Variants in PTPRT observed in about 807,000 individuals in gnomAD.
PTPRT encodes the protein receptor-type tyrosine-protein phosphatase T.
A neutral mutation model predicts 176.8 loss-of-function variants in PTPRT; 56 were observed. The observed-to-expected ratio is 0.32, with a 90% CI of 0.26 to 0.40. The LOEUF (loss-of-function observed/expected upper bound fraction) is 0.40, where lower values mean the gene tolerates loss of function less well. Ranked by LOEUF, PTPRT falls within the 10% of genes least tolerant of loss-of-function variation. The pLI is 1.00. For missense variants in PTPRT, 1,540 were observed against 1,908.2 expected (o/e 0.81, Z 3.60); for synonymous variants, 783 against 739.0 (o/e 1.06, Z -0.96).
At chr20:42,136,845 T>C (rs1304980791) in intron 18 of PTPRT, among the ~76,000 whole-genome samples, 2 of 152,132 alleles carry the variant, frequency 1.3e-5, no homozygotes, top group Admixed American at 6.5e-5. Flanking sequence ...AGAAATCTAA[T>C]AGGGGTGTGT....
intron 7 of PTPRT, among the ~76,000 whole-genome samples, chr20:42,642,075 G>A (rs1370540350): frequency 6.6e-6 from 1 of 152,140 alleles, no homozygotes; most frequent in African/African-American, 2.4e-5. Context: ...CAGTGTGCCT[G>A]TCCAGATAAT....
At chr20:42,939,311 T>C (rs1980398575) in intron 1 of PTPRT, among the ~76,000 whole-genome samples, 1 of 152,238 alleles carries the variant, frequency 6.6e-6, no homozygotes, top group African/African-American at 2.4e-5. Context: ...TGATTCTGAA[T>C]ACATACAGCT....
intron 4 of PTPRT, among the ~76,000 whole-genome samples, chr20:42,779,159 C>G (rs890254844): frequency 1.5e-4 from 23 of 152,318 alleles, no homozygotes; most frequent in African/African-American, 5.1e-4. Flanking sequence ...GAGGGTCTGA[C>G]AAATTCATTG....
intron 7 of PTPRT, among the ~76,000 whole-genome samples, chr20:42,582,779 T>TGG (rs1180705981): frequency 2.0e-5 from 3 of 152,252 alleles, no homozygotes; most frequent in African/African-American, 7.2e-5. Flanking sequence ...ACTGGACCTA[T>TGG]AGAGAAACCT....
intron 7 of PTPRT, among the ~76,000 whole-genome samples, chr20:42,648,082 A>G: frequency 6.8e-6 from 1 of 146,582 alleles, no homozygotes; most frequent in Admixed American, 6.7e-5. Flanking sequence ...CTCTGGGGAA[A>G]CGGCTCCCCT....
chr20:42,442,707 G>T (rs1454306392), intron 9 of PTPRT, among the ~76,000 whole-genome samples: 2 of 152,166 alleles, frequency 1.3e-5, no homozygotes, highest in African/African-American at 4.8e-5. Flanking sequence ...CCCTCACACT[G>T]TGTGATTTTT....
intron 1 of PTPRT, among the ~76,000 whole-genome samples, chr20:43,163,621 G>A (rs1438611489): frequency 6.6e-6 from 1 of 150,956 alleles, no homozygotes; most frequent in Admixed American, 6.6e-5. Context: ...CTGGGCTACA[G>A]AGCGAGACTC....
At chr20:42,611,670 A>G (rs2078553247) in intron 7 of PTPRT, among the ~76,000 whole-genome samples, 2 of 152,174 alleles carry the variant, frequency 1.3e-5, no homozygotes, top group Admixed American at 1.3e-4. Context: ...CAGCGACTGA[A>G]CTTTCTATCC....
chr20:42,156,500 C>T, intron 17 of PTPRT, among the ~76,000 whole-genome samples: 1 of 152,226 alleles, frequency 6.6e-6, no homozygotes, highest in Non-Finnish European at 1.5e-5. Context: ...TCTCTCCAGC[C>T]CAGGCTTCTT....
At chr20:42,299,994 A>G (rs1187815943) in intron 12 of PTPRT, among the ~76,000 whole-genome samples, 1 of 148,386 alleles carries the variant, frequency 6.7e-6, no homozygotes, top group Non-Finnish European at 1.5e-5. Context: ...GTGGCGGCTC[A>G]TGCCTGTAAT....
In PTPRT at chr20:42,824,908, TA is replaced by T. The variant is rs200659039; in HGVS notation, c.215-33443del. On this transcript the variant is annotated intron_variant, in intron 2 of 30. Coordinates refer to ENST00000373187, the MANE Select transcript of PTPRT (RefSeq NM_007050.6). The stretch of plus-strand genomic sequence containing the variant: ...CCTTTCTCCATAAAAAAGCTTATAA[TA>T]TACATATATGGAAAATATAAAAATG... Among the ~76,000 whole-genome samples, 229 of 152,060 alleles carry T rather than the reference TA, an allele frequency of 1.5e-3. 2 individuals are homozygous for T. Among genetic ancestry groups the T allele is most frequent in the African/African-American group, 5.3e-3 (219 of 41,546 alleles).
In PTPRT at chr20:42,352,302, C is replaced by A. The variant is rs747032552; in HGVS notation, c.1561-17G>T. On this transcript the variant is annotated splice_polypyrimidine_tract_variant and intron_variant, in intron 9 of 30. Transcript: ENST00000373187. ...GTAGTTGATCTGTAGGACAAGCCAG[C>A]AAACAAACAAACAAATAAATGCCTC... The A allele has an allele frequency of 1.9e-6, 3 of 1,611,856 alleles. No homozygotes were observed. Among genetic ancestry groups the A allele is most frequent in the Admixed American group, 1.7e-5 (1 of 59,942 alleles).
chr20:42,971,548 T>A (rs1256453961), intron 1 of PTPRT: 3 of 152,212 alleles, frequency 2.0e-5, no homozygotes, highest in Admixed American at 6.5e-5. Context: ...TTTTTTTCAT[T>A]CTGTGTTCCC....
chr20:43,161,991 C>T (rs150782515), intron 1 of PTPRT, among the ~76,000 whole-genome samples: 8 of 152,254 alleles, frequency 5.3e-5, no homozygotes, highest in African/African-American at 1.9e-4. Context: ...TACACAGACT[C>T]GATAGATTAT....
chr20:42,986,818 C>T (rs1983606322), intron 1 of PTPRT, among the ~76,000 whole-genome samples: 1 of 152,160 alleles, frequency 6.6e-6, no homozygotes, highest in Admixed American at 6.5e-5. Flanking sequence ...TGTGAAGACA[C>T]CGAACCACAC....
At chr20:42,911,026 A>T (rs879749805) in intron 1 of PTPRT, among the ~76,000 whole-genome samples, 2 of 152,144 alleles carry the variant, frequency 1.3e-5, no homozygotes, top group African/African-American at 2.4e-5. Context: ...CACTATCAGG[A>T]GAGCAGCATG....
At chr20:42,712,251 A>G (rs562388243) in intron 6 of PTPRT, among the ~76,000 whole-genome samples, 24 of 152,286 alleles carry the variant, frequency 1.6e-4, no homozygotes, top group African/African-American at 5.3e-4. Flanking sequence ...ACAGGATCTA[A>G]TTGTGGGTTC....
chr20:43,158,688 T>G (rs1290912485), intron 1 of PTPRT, among the ~76,000 whole-genome samples: 1 of 152,106 alleles, frequency 6.6e-6, no homozygotes, highest in African/African-American at 2.4e-5. Flanking sequence ...CTGAAACAAT[T>G]CTACTCTATA....
At chr20:42,931,833 T>C (rs1339713183) in intron 1 of PTPRT, among the ~76,000 whole-genome samples, 6 of 151,960 alleles carry the variant, frequency 3.9e-5, no homozygotes, top group African/African-American at 1.5e-4. Flanking sequence ...AGTGGGGAGG[T>C]AGGTGCCAGA....
Sources: allele counts gnomAD v4.1 joint callset (sites outside exome capture counted in the v4.1 genomes callset), GRCh38; gene constraint gnomAD v4.1.1; transcripts MANE v1.5; gene names NCBI Gene and HGNC (gene_info 2026-07-23, HGNC 2026-07-21).